The following TINAGL1 variants were observed in gnomAD, a reference collection of about 807,000 sequenced individuals.
The protein encoded by TINAGL1 is tubulointerstitial nephritis antigen like 1, also known as tubulointerstitial nephritis antigen-like.
A neutral mutation model predicts 62.0 loss-of-function variants in TINAGL1; 34 were observed. The ratio of observed to expected loss-of-function variants is 0.55; its 90% CI spans 0.42 to 0.73. The LOEUF (loss-of-function observed/expected upper bound fraction) is 0.73. TINAGL1 is among the 30% of genes least tolerant of loss of function. The probability of loss-of-function intolerance (pLI) is 0.00; values close to 1 mark genes in which losing one functional copy is unlikely to be tolerated. For missense variants in TINAGL1, 516 were observed against 653.2 expected, an observed-to-expected ratio of 0.79 and a Z score of 2.29; for synonymous variants, 221 against 249.7, an observed-to-expected ratio of 0.88 and a Z score of 1.08.
At position 31,579,196 on chromosome 1, in the gene TINAGL1, T is replaced by C. The variant is rs773649601; in HGVS notation, c.311-8T>C. 3 of 1,613,514 alleles carry C rather than the reference T, an allele frequency of 1.9e-6. No individual in the cohort carries two copies. The highest frequency in any genetic ancestry group is 8.5e-7 in the Non-Finnish European group (1 of 1,179,618). ...TGGTTCCACTTCTCTTCTCTTCCCT[T>C]CCAACAGGATGTATGCATGGAGGTC... On this transcript the variant is annotated splice_region_variant and splice_polypyrimidine_tract_variant and intron_variant, in intron 2 of 11. Transcript: ENST00000271064.
Position 31,585,901 on chromosome 1 carries a change from G to A in TINAGL1, c.1217+25G>A. 1 of 1,556,774 alleles carries A rather than the reference G, an allele frequency of 6.4e-7. No homozygotes were observed. Among genetic ancestry groups the A allele is most frequent in the Non-Finnish European group, 8.7e-7 (1 of 1,150,036 alleles). ...GGTGAGGGGCGTGTGGGCAGAGGGG[G>A]TTTGGGACAGCAGGGTTTGTGCTAG... On this transcript the variant is annotated intron_variant, in intron 10 of 11. Transcript: ENST00000271064. The surrounding 1 kb of genome is among the most constrained non-coding windows in gnomAD (Gnocchi z 4.3).
Position 31,577,053 on chromosome 1 carries a change from G to T in TINAGL1, c.-15-81G>T. On this transcript the variant is annotated intron_variant, in intron 1 of 11. Coordinates refer to ENST00000271064, the MANE Select transcript of TINAGL1 (RefSeq NM_022164.3). The surrounding 1 kb of genome is among the most constrained non-coding windows in gnomAD (Gnocchi z 5.4). ...ATCTCCCTCCCTGCTGGGCCCTCTT[G>T]AACTCACAGCTCCAGGAAACTGGGA... The T allele has an allele frequency of 7.7e-7, 1 of 1,290,738 alleles. No homozygotes were observed. Among genetic ancestry groups the T allele is most frequent in the Non-Finnish European group, 1.0e-6 (1 of 970,782 alleles). The allele number at this position is 1,290,738 out of a possible 1,614,324, so 80.0% of individuals were successfully genotyped here.
In TINAGL1 at chr1:31,586,904, C is replaced by G; in HGVS notation, c.1329C>G (p.Val443=). 1 of 1,547,496 alleles carries G rather than the reference C, an allele frequency of 6.5e-7. No individual in the cohort carries two copies. The highest frequency in any genetic ancestry group is 8.7e-7 in the Non-Finnish European group (1 of 1,148,682). ...GCCACTTCCGCATCGTGCGCGGCGT[C>G]AATGAGTGCGACATCGAGAGCTTCG... The part of the protein sequence containing the change: ...ERGHFRIVRG[V]NECDIESFVL... The change falls in exon 12 of 12, where the codon GTC becomes GTG. Residue 443 remains valine (V), a synonymous_variant. Coordinates refer to ENST00000271064, the MANE Select transcript of TINAGL1 (RefSeq NM_022164.3).
In TINAGL1 at chr1:31,583,287, A is replaced by G. The variant is rs374815271; in HGVS notation, c.467+46A>G. The G allele has an allele frequency of 1.9e-6, 3 of 1,584,474 alleles. No individual in the cohort carries two copies. The African/African-American group carries it at 4.0e-5, about 21-fold the overall frequency. On this transcript the variant is annotated intron_variant, in intron 4 of 11. Coordinates refer to ENST00000271064, the MANE Select transcript of TINAGL1 (RefSeq NM_022164.3). This position sits in a 1 kb window ranked among gnomAD's most constrained non-coding sequence, Gnocchi z 4.4. ...CCTCAGTGGGCACACATGCATACTCATGCATGTATACACGCATGCTGTGCT... is the reference window on the plus strand; with the variant it reads ...CCTCAGTGGGCACACATGCATACTCGTGCATGTATACACGCATGCTGTGCT...
Position 31,583,335 on chromosome 1 carries a change from C to T in TINAGL1, c.467+94C>T, listed in dbSNP as rs1399515262. The T allele has an allele frequency of 4.7e-6, 7 of 1,489,680 alleles. No individual in the cohort carries two copies. Among genetic ancestry groups the T allele is most frequent in the Non-Finnish European group, 6.5e-6 (7 of 1,074,656 alleles). 92.3% of individuals were successfully genotyped at this position (1,489,680 alleles called of 1,614,324 possible). ...GCTGTGGGGCACGTCCAGCAGGCCA[C>T]TCCTACACCCAGATTTGACTGTGTG... On this transcript the variant is annotated intron_variant, in intron 4 of 11. Transcript: ENST00000271064. The surrounding 1 kb of genome is among the most constrained non-coding windows in gnomAD (Gnocchi z 4.4).
At chr1:31,580,052 CTG>C (rs1436757305) in intron 3 of TINAGL1, among the ~76,000 whole-genome samples, 1 of 145,506 alleles carries the variant, frequency 6.9e-6, no homozygotes, top group Non-Finnish European at 1.5e-5. Flanking sequence ...TTCAGCGTGA[CTG>C]TGTGTGCACT....
At chr1:31,586,670 T>A (rs993250746) in intron 10 of TINAGL1, 40 bp from the exon 11 acceptor site, 1 of 1,554,404 alleles carries the variant, frequency 6.4e-7, no homozygotes, top group South Asian at 1.2e-5. Context: ...TGAGAGCAGG[T>A]AGACCCAGCT....
chr1:31,586,866 TG>T lies in TINAGL1; in HGVS notation c.1295del (p.Gly432AlafsTer51). 2 of 1,551,388 alleles carry T rather than the reference TG, an allele frequency of 1.3e-6. No homozygotes were observed. The highest frequency in any genetic ancestry group is 2.0e-5 in the Admixed American group (1 of 51,198). ...WTAANSWGPA[W>X]GERGHFRIVR... Reference sequence around the variant, plus strand: ...TGCGGCCAACTCCTGGGGCCCAGCCTGGGGCGAGAGGGGCCACTTCCGCATC... The same window carrying T: ...TGCGGCCAACTCCTGGGGCCCAGCCTGGGCGAGAGGGGCCACTTCCGCATC... On this transcript the variant is annotated frameshift_variant, in exon 12 of 12. Coordinates refer to ENST00000271064, the MANE Select transcript of TINAGL1 (RefSeq NM_022164.3). LOFTEE classifies it high-confidence loss of function.
In TINAGL1 at chr1:31,586,899, G is replaced by C. The variant is rs750399691; in HGVS notation, c.1324G>C (p.Gly442Arg). 3 of 1,546,190 alleles carry C rather than the reference G, an allele frequency of 1.9e-6. No individual in the cohort carries two copies. In the African/African-American group the frequency reaches 4.1e-5, roughly 21 times the overall value. Residue 442 changes from glycine (G) to arginine (R), a missense_variant, in exon 12 of 12, where the codon GGC (glycine) becomes CGC (arginine). Physicochemically the swap from Gly to Arg is moderately radical, Grantham distance 125. Coordinates refer to ENST00000271064, the MANE Select transcript of TINAGL1 (RefSeq NM_022164.3). ...GAGGGGCCACTTCCGCATCGTGCGC[G>C]GCGTCAATGAGTGCGACATCGAGAG... is the stretch of plus-strand genomic sequence containing the variant. ...GERGHFRIVR[G>R]VNECDIESFV...
chr1:31,580,253 C>T lies in TINAGL1; in HGVS notation c.374+986C>T, dbSNP rs562413744. On this transcript the variant is annotated intron_variant, in intron 3 of 11. Coordinates refer to ENST00000271064, the MANE Select transcript of TINAGL1 (RefSeq NM_022164.3). Reference sequence around the variant, plus strand: ...TCTCTCTCTGTCTCTCTCTCTCTGTCTCTCTCTCTCTCACTGCTGTCCCTG... The same window carrying T: ...TCTCTCTCTGTCTCTCTCTCTCTGTTTCTCTCTCTCTCACTGCTGTCCCTG... The T allele has an allele frequency of 1.1e-4, 116 of 1,009,850 alleles. No homozygotes were observed. The South Asian group carries it at 1.7e-3, about 15-fold the overall frequency. 62.6% of individuals were successfully genotyped at this position (1,009,850 alleles called of 1,614,324 possible).
At chr1:31,579,091 G>A (rs1017951439) in intron 2 of TINAGL1, 113 bp from the exon 3 acceptor site, 1 of 758,020 alleles carries the variant, frequency 1.3e-6, no homozygotes, top group Non-Finnish European at 2.4e-6. Context: ...GACAGAGAGA[G>A]AGAAAGAGAG....
Position 31,584,726 on chromosome 1 carries a change from G to A in TINAGL1, c.631G>A (p.Glu211Lys). 1 of 1,614,192 alleles carries A rather than the reference G, an allele frequency of 6.2e-7. No homozygotes were observed. The highest frequency in any genetic ancestry group is 8.5e-7 in the Non-Finnish European group (1 of 1,180,032). Residue 211 changes from glutamate (E) to lysine (K), a missense_variant, in exon 6 of 12, where the codon GAG (glutamate) becomes AAG (lysine). By Grantham distance (56) the Glu-to-Lys change is moderately conservative. Coordinates refer to ENST00000271064, the MANE Select transcript of TINAGL1 (RefSeq NM_022164.3). The surrounding 1 kb of genome is among the most constrained non-coding windows in gnomAD (Gnocchi z 4.0). Reference sequence around the variant, plus strand: ...GCTTCCCACAGCCTTCGAGGCCTCTGAGAAGTGGCCCAACCTGATTCATGA... The same window carrying A: ...GCTTCCCACAGCCTTCGAGGCCTCTAAGAAGTGGCCCAACCTGATTCATGA... ...EVLPTAFEASEKWPNLIHEPL... is the reference protein window; with the variant it reads ...EVLPTAFEASKKWPNLIHEPL...
At chr1:31,581,924 C>G (rs1006490519) in intron 3 of TINAGL1, among the ~76,000 whole-genome samples, 1 of 152,190 alleles carries the variant, frequency 6.6e-6, no homozygotes, top group African/African-American at 2.4e-5. Flanking sequence ...ACTCAGTTAA[C>G]AAATATTCAT....
intron 3 of TINAGL1, chr1:31,580,225 C>CTCTCTCTGTCTCTCTA (rs1639201337): frequency 1.1e-6 from 1 of 902,678 alleles, no homozygotes; most frequent in Admixed American, 4.5e-5. Flanking sequence ...CTCTCTCTCT[C>CTCTCTCTGTCTCTCTA]TGTCTCTCTC....
Position 31,584,228 on chromosome 1 carries a change from A to C in TINAGL1, c.583-450A>C. The C allele has an allele frequency of 5.7e-6, 1 of 175,762 alleles. No individual in the cohort carries two copies. Among genetic ancestry groups the C allele is most frequent in the Non-Finnish European group, 1.2e-5 (1 of 81,412 alleles). The allele number at this position is 175,762 out of a possible 1,614,324, so 10.9% of individuals were successfully genotyped here. ...CCCTTATTCCCCTGGGCCTCTGGCT[A>C]TTTTCTGCCTCTTGCTGTTTGTGTT... On this transcript the variant is annotated intron_variant, in intron 5 of 11. Coordinates refer to ENST00000271064, the MANE Select transcript of TINAGL1 (RefSeq NM_022164.3). This position sits in a 1 kb window ranked among gnomAD's most constrained non-coding sequence, Gnocchi z 4.0.
At chr1:31,581,987 A>C (rs1421577685) in intron 3 of TINAGL1, among the ~76,000 whole-genome samples, 1 of 152,194 alleles carries the variant, frequency 6.6e-6, no homozygotes. Context: ...AAAATACCAA[A>C]CAATACCTGC....
chr1:31,579,283 T>C lies in TINAGL1; in HGVS notation c.374+16T>C, dbSNP rs771326029. 5 of 1,612,528 alleles carry C rather than the reference T, an allele frequency of 3.1e-6. No individual in the cohort carries two copies. In the Admixed American group the frequency reaches 8.3e-5, roughly 27 times the overall value. ...GTAACCGTTGGTGAGTGTTTGGAGCTTAGAGGGGTCTTGCTTTGTGAGCCT... is the reference window on the plus strand; with the variant it reads ...GTAACCGTTGGTGAGTGTTTGGAGCCTAGAGGGGTCTTGCTTTGTGAGCCT... On this transcript the variant is annotated intron_variant, in intron 3 of 11. Coordinates refer to ENST00000271064, the MANE Select transcript of TINAGL1 (RefSeq NM_022164.3).
chr1:31,578,475 G>T, intron 2 of TINAGL1, among the ~76,000 whole-genome samples: 1 of 122,818 alleles, frequency 8.1e-6, no homozygotes, highest in African/African-American at 3.2e-5. Context: ...TTCAGTTATA[G>T]TTTAATTTCA....
intron 3 of TINAGL1, chr1:31,580,199 C>CTCTCTCTCTCTCTCTCTCTCTG (rs1557557861): frequency 1.6e-4 from 72 of 448,674 alleles, no homozygotes; most frequent in Admixed American, 9.3e-4. Context: ...CTCTCTCTCT[C>CTCTCTCTCTCTCTCTCTCTCTG]TCTCTCTCTC....
Sources: allele counts gnomAD v4.1 joint callset (sites outside exome capture counted in the v4.1 genomes callset), GRCh38; gene constraint gnomAD v4.1.1; non-coding constraint Gnocchi (gnomAD v3.1); transcripts MANE v1.5; gene names NCBI Gene and HGNC (gene_info 2026-07-23, HGNC 2026-07-21).